Variants in CDH12 observed in about 807,000 individuals in gnomAD.
The protein encoded by CDH12 is cadherin-12.
CDH12 carries 41 observed loss-of-function variants against 74.1 expected under a neutral mutation model. That is an observed-to-expected ratio of 0.55 (90% CI 0.43 to 0.72). CDH12 has a LOEUF of 0.72. Ranked by LOEUF, CDH12 falls within the 30% of genes least tolerant of loss-of-function variation. CDH12 has a pLI of 0.00. For synonymous variants in CDH12, 399 were observed against 355.0 expected (o/e 1.12, Z -1.39); for missense variants, 945 against 977.2 (o/e 0.97, Z 0.44).
Position 22,160,860 on chromosome 5 carries a change from C to T in CDH12, c.-187+51638G>A, listed in dbSNP as rs557143461. Among the ~76,000 whole-genome samples, 102 of 152,298 alleles carry T rather than the reference C, an allele frequency of 6.7e-4. 2 individuals carry two copies. Among genetic ancestry groups the T allele is most frequent in the African/African-American group, 2.3e-3 (96 of 41,566 alleles). On this transcript the variant is annotated intron_variant, in intron 4 of 14. Coordinates refer to ENST00000382254, the MANE Select transcript of CDH12 (RefSeq NM_004061.5). ...CCAAATATCATCACCACAGGGGTTACTTTTCAACATACAAGTTTGGGGGAA... is the reference window on the plus strand; with the variant it reads ...CCAAATATCATCACCACAGGGGTTATTTTTCAACATACAAGTTTGGGGGAA...
At chr5:21,779,255 C>T (rs1262788763) in intron 11 of CDH12, 1 of 151,744 alleles carries the variant, frequency 6.6e-6, no homozygotes, top group South Asian at 2.1e-4. Flanking sequence ...TTTTTTGAGA[C>T]AGGTCTCAGT....
intron 4 of CDH12, among the ~76,000 whole-genome samples, chr5:22,161,507 G>C (rs1748347869): frequency 6.6e-6 from 1 of 151,890 alleles, no homozygotes; most frequent in African/African-American, 2.4e-5. Context: ...GACCTGCTTG[G>C]ACAACATAGC....
At chr5:22,086,203 T>A (rs1271229000) in intron 4 of CDH12, among the ~76,000 whole-genome samples, 1 of 152,174 alleles carries the variant, frequency 6.6e-6, no homozygotes, top group Admixed American at 6.6e-5. Context: ...TGTAGATGAT[T>A]ATTACTCAAT....
At chr5:22,776,138 A>G (rs1289825269) in intron 1 of CDH12, among the ~76,000 whole-genome samples, 1 of 152,128 alleles carries the variant, frequency 6.6e-6, no homozygotes, top group African/African-American at 2.4e-5. Context: ...CTTACACTGC[A>G]TGTTCAGGAA....
chr5:22,403,975 A>G lies in CDH12; in HGVS notation c.-333+1282T>C, dbSNP rs1047370815. Among the ~76,000 whole-genome samples the G allele has an allele frequency of 6.6e-5, 10 of 152,262 alleles. 1 individual carries two copies. The East Asian group carries it at 1.7e-3, about 27-fold the overall frequency. On this transcript the variant is annotated intron_variant, in intron 3 of 14. Coordinates refer to ENST00000382254, the MANE Select transcript of CDH12 (RefSeq NM_004061.5). ...TATTATTTTACTATATGATGCATAT[A>G]TAGTAATAATACCTTCTTGATGTGT...
intron 1 of CDH12, among the ~76,000 whole-genome samples, chr5:22,598,087 T>C (rs1736687184): frequency 6.6e-6 from 1 of 152,164 alleles, no homozygotes; most frequent in Non-Finnish European, 1.5e-5. Context: ...TAATCTAAAC[T>C]AAGTTTGTGG....
chr5:22,412,326 A>G (rs1743199671), intron 2 of CDH12, among the ~76,000 whole-genome samples: 1 of 151,954 alleles, frequency 6.6e-6, no homozygotes, highest in Non-Finnish European at 1.5e-5. Context: ...ACTGAATTAG[A>G]TTTCAAAGTT....
At chr5:22,266,747 T>C (rs377596298) in intron 3 of CDH12, among the ~76,000 whole-genome samples, 10 of 152,146 alleles carry the variant, frequency 6.6e-5, no homozygotes, top group South Asian at 2.1e-4. Context: ...AGCAGAGAAA[T>C]GCACTTGATG....
chr5:22,728,645 A>G (rs1744280389), intron 1 of CDH12, among the ~76,000 whole-genome samples: 1 of 151,898 alleles, frequency 6.6e-6, no homozygotes, highest in African/African-American at 2.4e-5. Context: ...ATTGTGGGAA[A>G]GATAAATATT....
intron 6 of CDH12, among the ~76,000 whole-genome samples, chr5:21,943,164 C>G (rs1755416378): frequency 6.6e-6 from 1 of 152,142 alleles, no homozygotes; most frequent in African/African-American, 2.4e-5. Context: ...CCCAGCCATG[C>G]AGAACTGTGA....
chr5:21,832,704 A>G (rs960486754), intron 8 of CDH12, among the ~76,000 whole-genome samples: 2 of 144,988 alleles, frequency 1.4e-5, no homozygotes, highest in Non-Finnish European at 3.0e-5. Context: ...TATTCATTCT[A>G]TTTAATGAGT....
At chr5:22,757,729 A>G (rs180802418) in intron 1 of CDH12, among the ~76,000 whole-genome samples, 99 of 152,302 alleles carry the variant, frequency 6.5e-4, no homozygotes, top group African/African-American at 2.3e-3. Context: ...GTGACCTTGG[A>G]TTGTCAGCTT....
At chr5:22,489,972 G>A (rs979347448) in intron 2 of CDH12, among the ~76,000 whole-genome samples, 16 of 152,200 alleles carry the variant, frequency 1.1e-4, no homozygotes, top group Middle Eastern at 3.4e-3. Context: ...GAGACACAGT[G>A]AAATATTGTC....
intron 12 of CDH12, among the ~76,000 whole-genome samples, chr5:21,762,411 T>A (rs370482374): frequency 7.0e-4 from 106 of 152,208 alleles, no homozygotes; most frequent in East Asian, 1.2e-3. Flanking sequence ...AGATAATAGA[T>A]AGTAGCATAA....
At chr5:21,804,995 G>A (rs1361100741) in intron 9 of CDH12, among the ~76,000 whole-genome samples, 1 of 152,058 alleles carries the variant, frequency 6.6e-6, no homozygotes, top group Non-Finnish European at 1.5e-5. Flanking sequence ...CTCTATAAAT[G>A]TTAAACAATA....
chr5:22,081,587 T>G (rs1742731907), intron 4 of CDH12, among the ~76,000 whole-genome samples: 1 of 152,168 alleles, frequency 6.6e-6, no homozygotes, highest in Admixed American at 6.5e-5. Flanking sequence ...CTATTAAACC[T>G]TTTCTTTCAC....
intron 3 of CDH12, among the ~76,000 whole-genome samples, chr5:22,223,691 G>A (rs1029959798): frequency 3.9e-5 from 6 of 152,060 alleles, no homozygotes; most frequent in East Asian, 1.9e-4. Flanking sequence ...GCTCCTCAGC[G>A]TTCTCAGAAT....
At chr5:22,152,255 C>T (rs909236667) in intron 4 of CDH12, 7 of 151,910 alleles carry the variant, frequency 4.6e-5, no homozygotes, top group African/African-American at 7.3e-5. Context: ...ACAATGACAA[C>T]GACAACAAAA....
intron 2 of CDH12, among the ~76,000 whole-genome samples, chr5:22,490,575 A>C (rs1746820131): frequency 6.6e-6 from 1 of 152,196 alleles, no homozygotes; most frequent in Admixed American, 6.5e-5. Flanking sequence ...AATGAAAAAA[A>C]AAAATAAGGC....
Sources: allele counts gnomAD v4.1 joint callset (sites outside exome capture counted in the v4.1 genomes callset), GRCh38; gene constraint gnomAD v4.1.1; transcripts MANE v1.5; gene names NCBI Gene and HGNC (gene_info 2026-07-23, HGNC 2026-07-21).